The following ZNF678 variants were observed in gnomAD, a reference collection of about 807,000 sequenced individuals.
ZNF678 encodes zinc finger protein 678.
Under a neutral mutation model 3.0 loss-of-function variants are expected in ZNF678, and 5 were observed. That is an observed-to-expected ratio of 1.69 (90% confidence interval 0.88 to 3.56). The LOEUF (loss-of-function observed/expected upper bound fraction) is 3.56, where lower values mean the gene tolerates loss of function less well. ZNF678 is among the 30% of genes most tolerant of loss of function. The probability of loss-of-function intolerance (pLI) is 0.00; values close to 1 mark genes in which losing one functional copy is unlikely to be tolerated. For synonymous variants in ZNF678, 218 were observed against 199.6 expected (o/e 1.09, Z -0.78); for missense variants, 593 against 605.0 (o/e 0.98, Z 0.21).
intron 1 of ZNF678, chr1:227,582,487 A>ATTTTTT (rs59111806): frequency 9.3e-4 from 104 of 111,748 alleles, no homozygotes; most frequent in African/African-American, 1.1e-3. Flanking sequence ...TGCCCAGCTA[A>ATTTTTT]TTTTTTTTTT....
intron 1 of ZNF678, among the ~76,000 whole-genome samples, chr1:227,620,731 G>T (rs1658260863): frequency 6.6e-6 from 1 of 152,226 alleles, no homozygotes; most frequent in Admixed American, 6.5e-5. Flanking sequence ...ATTTATTAAT[G>T]ATTGGTTATA....
chr1:227,580,046 C>T lies in ZNF678; in HGVS notation c.-164+16322C>T, dbSNP rs531166898. ...GTCTCTGGTGGTCGAGGGGTCTCTTCCTGCTCGGGGTTCCAGAGGCCTGTG... is the reference window on the plus strand; with the variant it reads ...GTCTCTGGTGGTCGAGGGGTCTCTTTCTGCTCGGGGTTCCAGAGGCCTGTG... On this transcript the variant is annotated intron_variant, in intron 1 of 3. Transcript: ENST00000343776. 5.9e-5 allele frequency among the ~76,000 whole-genome samples: 9 copies of T among 152,278 alleles called. No homozygotes were observed. In the South Asian group the frequency reaches 1.7e-3, roughly 28 times the overall value.
chr1:227,581,313 C>G (rs1324062749), intron 1 of ZNF678, among the ~76,000 whole-genome samples: 1 of 151,228 alleles, frequency 6.6e-6, no homozygotes, highest in African/African-American at 2.4e-5. Flanking sequence ...AACTAGCCCT[C>G]AGTTCAAGAA....
chr1:227,593,096 A>G (rs537761258), intron 1 of ZNF678, among the ~76,000 whole-genome samples: 91 of 152,244 alleles, frequency 6.0e-4, no homozygotes, highest in Non-Finnish European at 1.2e-3. Flanking sequence ...ACTTCAGGAT[A>G]TGGCAGAGAG....
In ZNF678 at chr1:227,654,387, AT is replaced by A. The variant is rs1260586880; in HGVS notation, c.140del (p.Leu47TyrfsTer5). 5 of 1,603,714 alleles carry A rather than the reference AT, an allele frequency of 3.1e-6. No homozygotes were observed. The highest frequency in any genetic ancestry group is 4.3e-6 in the Non-Finnish European group (5 of 1,175,850). ...QDLLPEQDMK[D>X]LCQKVTLTRH... ...CTTTTGCCAGAGCAGGATATGAAAG[AT>A]TTATGCCAAAAAGTGACACTGACAA... is the stretch of plus-strand genomic sequence containing the variant. On this transcript the variant is annotated frameshift_variant, in exon 4 of 4. Transcript: ENST00000343776. LOFTEE classifies it low-confidence loss of function (END_TRUNC).
downstream of ZNF678, chr1:227,662,611 T>G (rs752651329): frequency 2.0e-5 from 3 of 152,132 alleles, no homozygotes; most frequent in Non-Finnish European, 2.9e-5. Flanking sequence ...ATTAAATGAC[T>G]GAAAGGTGAC....
Position 227,655,368 on chromosome 1 carries a change from G to A in ZNF678, c.1118G>A (p.Gly373Glu). The part of the protein sequence containing the change: ...NLTQHKRIHT[G>E]EKPYKCKECG... ...ACTCAGCATAAAAGAATTCATACTGGAGAGAAACCCTACAAATGCAAAGAA... is the reference window on the plus strand; with the variant it reads ...ACTCAGCATAAAAGAATTCATACTGAAGAGAAACCCTACAAATGCAAAGAA... The change falls in exon 4 of 4, where the codon GGA becomes GAA. Residue 373 changes from glycine to glutamate, a missense_variant. By Grantham distance (98) the Gly-to-Glu change is moderately conservative. Coordinates refer to ENST00000343776, the MANE Select transcript of ZNF678 (RefSeq NM_001367909.1). The A allele has an allele frequency of 1.9e-6, 3 of 1,612,356 alleles. No homozygotes were observed. The highest frequency in any genetic ancestry group is 2.5e-6 in the Non-Finnish European group (3 of 1,179,332).
chr1:227,636,756 T>C (rs1658689685), intron 1 of ZNF678, among the ~76,000 whole-genome samples: 1 of 152,174 alleles, frequency 6.6e-6, no homozygotes, highest in Admixed American at 6.6e-5. Flanking sequence ...CCTGGTGCAG[T>C]AGACCCAGTG....
chr1:227,615,621 T>C (rs1658124413), intron 1 of ZNF678, among the ~76,000 whole-genome samples: 1 of 152,160 alleles, frequency 6.6e-6, no homozygotes, highest in African/African-American at 2.4e-5. Flanking sequence ...ATGCAATTGT[T>C]TTTTCAAGAC....
chr1:227,597,122 G>C (rs568417291), intron 1 of ZNF678, among the ~76,000 whole-genome samples: 2 of 152,186 alleles, frequency 1.3e-5, no homozygotes, highest in African/African-American at 2.4e-5. Flanking sequence ...GATAAGCTTT[G>C]TTTCTATAGA....
At chr1:227,566,984 G>A (rs1457571110) in intron 1 of ZNF678, among the ~76,000 whole-genome samples, 1 of 152,178 alleles carries the variant, frequency 6.6e-6, no homozygotes, top group African/African-American at 2.4e-5. Context: ...AGACAGTATG[G>A]TAGATTAATT....
In ZNF678 at chr1:227,652,413, G is replaced by A. The variant is rs868585645; in HGVS notation, c.85+1337G>A. 8.5e-5 allele frequency among the ~76,000 whole-genome samples: 13 copies of A among 152,136 alleles called. No homozygotes were observed. In the Middle Eastern group the frequency reaches 0.01, roughly 120 times the overall value. ...AATTTTTTCCAAATCTCTTTATTCA[G>A]TCTTTTGATTGGGATGTTTTGTTGA... On this transcript the variant is annotated intron_variant, in intron 3 of 3. Coordinates refer to ENST00000343776, the MANE Select transcript of ZNF678 (RefSeq NM_001367909.1).
Position 227,638,327 on chromosome 1 carries a change from G to A in ZNF678, c.-163-8217G>A, listed in dbSNP as rs1212496888. On this transcript the variant is annotated intron_variant, in intron 1 of 3. Transcript: ENST00000343776. This position sits in a 1 kb window ranked among gnomAD's most constrained non-coding sequence, Gnocchi z 4.2. ...GGAACTACTAGACAGCTTGGTTAATGAGCCTGAGGTCCTGAACTAAGCGAT... is the reference window on the plus strand; with the variant it reads ...GGAACTACTAGACAGCTTGGTTAATAAGCCTGAGGTCCTGAACTAAGCGAT... 6.6e-6 allele frequency among the ~76,000 whole-genome samples: 1 copy of A among 152,112 alleles called. No homozygotes were observed. Among genetic ancestry groups the A allele is most frequent in the Non-Finnish European group, 1.5e-5 (1 of 67,990 alleles).
chr1:227,647,131 C>T (rs1658979784), intron 2 of ZNF678, among the ~76,000 whole-genome samples: 1 of 152,156 alleles, frequency 6.6e-6, no homozygotes, highest in African/African-American at 2.4e-5. Flanking sequence ...GTGGCATGTG[C>T]CTGTAATCCC....
chr1:227,569,419 ATTGTTTTTTGT>A (rs1331993316), intron 1 of ZNF678, among the ~76,000 whole-genome samples: 1 of 152,008 alleles, frequency 6.6e-6, no homozygotes, highest in South Asian at 2.1e-4. Context: ...ATTCTGTTGC[ATTGTTTTTTGT>A]TTGTTTTTTG....
intron 1 of ZNF678, among the ~76,000 whole-genome samples, chr1:227,591,493 C>A (rs762216640): frequency 2.7e-4 from 41 of 152,122 alleles, no homozygotes; most frequent in Non-Finnish European, 2.8e-4. Flanking sequence ...ATTAAGAGAA[C>A]CACATCCTAT....
chr1:227,676,741 A>G (rs938810611), intron 5 of ZNF678, among the ~76,000 whole-genome samples: 1 of 134,662 alleles, frequency 7.4e-6, no homozygotes, highest in Non-Finnish European at 1.5e-5. Context: ...CTCATTGTTC[A>G]ATTCCCACCT....
chr1:227,591,168 C>T (rs1205759707), intron 1 of ZNF678, among the ~76,000 whole-genome samples: 1 of 151,772 alleles, frequency 6.6e-6, no homozygotes, highest in African/African-American at 2.4e-5. Context: ...GAAATACTGG[C>T]TCAGGAGAGC....
chr1:227,594,489 TCTTTAA>T (rs1201479609), intron 1 of ZNF678, among the ~76,000 whole-genome samples: 2 of 152,356 alleles, frequency 1.3e-5, no homozygotes, highest in Non-Finnish European at 2.9e-5. Flanking sequence ...GGATGATACC[TCTTTAA>T]CTTTAGCCAG....
Sources: allele counts gnomAD v4.1 joint callset (sites outside exome capture counted in the v4.1 genomes callset), GRCh38; gene constraint gnomAD v4.1.1; non-coding constraint Gnocchi (gnomAD v3.1); transcripts MANE v1.5; gene names NCBI Gene and HGNC (gene_info 2026-07-23, HGNC 2026-07-21).